ZNF385D: variants seen among roughly 807,000 people sequenced by gnomAD.
ZNF385D encodes the protein zinc finger protein 385D, also known as zinc finger protein 659.
Under a neutral mutation model 35.8 loss-of-function variants are expected in ZNF385D, and 15 were observed. The observed-to-expected ratio is 0.42, with a 90% CI of 0.28 to 0.64. The LOEUF (loss-of-function observed/expected upper bound fraction) is 0.64. Ranked by LOEUF, ZNF385D falls within the 30% of genes least tolerant of loss-of-function variation. The pLI is 0.23. For synonymous variants in ZNF385D, 212 were observed against 186.8 expected (o/e 1.13, Z -1.10); for missense variants, 474 against 494.6 (o/e 0.96, Z 0.39).
At chr3:21,421,748 T>C (rs979257010) in intron 7 of ZNF385D, among the ~76,000 whole-genome samples, 2 of 152,200 alleles carry the variant, frequency 1.3e-5, no homozygotes, top group African/African-American at 2.4e-5. Context: ...GTATTCATCA[T>C]GAGAAAATAT....
intron 3 of ZNF385D, among the ~76,000 whole-genome samples, chr3:21,933,348 T>C (rs1327435569): frequency 6.6e-6 from 1 of 152,256 alleles, no homozygotes. Context: ...TAGATTTTGC[T>C]ATTTGATCTA....
intron 1 of ZNF385D, among the ~76,000 whole-genome samples, chr3:21,668,430 A>G (rs1205993679): frequency 6.6e-6 from 1 of 152,088 alleles, no homozygotes; most frequent in Non-Finnish European, 1.5e-5. Context: ...TCCCAATCCT[A>G]TATCCCTCAC....
intron 3 of ZNF385D, among the ~76,000 whole-genome samples, chr3:22,058,741 C>A (rs1473682555): frequency 2.6e-5 from 4 of 152,124 alleles, no homozygotes; most frequent in African/African-American, 9.7e-5. Flanking sequence ...TATACCATTT[C>A]AAATTTATAT....
At chr3:21,654,272 A>T (rs973261073) in intron 2 of ZNF385D, among the ~76,000 whole-genome samples, 1 of 152,086 alleles carries the variant, frequency 6.6e-6, no homozygotes, top group Non-Finnish European at 1.5e-5. Context: ...CACTAATTTT[A>T]TCATTTTAAT....
chr3:22,231,898 G>C (rs1434621039), intron 2 of ZNF385D, among the ~76,000 whole-genome samples: 1 of 152,020 alleles, frequency 6.6e-6, no homozygotes, highest in African/African-American at 2.4e-5. Context: ...AGATCTGGTT[G>C]TTTAAGAGTA....
rs778860509 is a variant in ZNF385D at position 22,003,409 on chromosome 3, A to G, written c.325+165408T>C. Among the ~76,000 whole-genome samples the G allele has an allele frequency of 5.5e-4, 84 of 152,310 alleles. 1 individual carries two copies. The highest frequency in any genetic ancestry group is 3.4e-3 in the Middle Eastern group (1 of 294). On this transcript the variant is annotated intron_variant, in intron 3 of 5. Transcript: ENST00000494108. ...CTACAAGGAAAGCAGCAAAACACTCATGAAAGAAATTAAAGAGGACACTAA... is the reference window on the plus strand; with the variant it reads ...CTACAAGGAAAGCAGCAAAACACTCGTGAAAGAAATTAAAGAGGACACTAA...
chr3:21,950,956 G>A (rs1335571063), intron 3 of ZNF385D, among the ~76,000 whole-genome samples: 1 of 151,682 alleles, frequency 6.6e-6, no homozygotes, highest in African/African-American at 2.4e-5. Flanking sequence ...TAGCCTTGTA[G>A]TATAGTTGGA....
intron 3 of ZNF385D, among the ~76,000 whole-genome samples, chr3:21,956,254 A>G (rs1035236344): frequency 1.3e-5 from 2 of 151,934 alleles, no homozygotes; most frequent in Non-Finnish European, 2.9e-5. Context: ...AAAAAGAAAA[A>G]GAACCTGAGT....
At position 22,175,764 on chromosome 3, in the gene ZNF385D, CATATATAATGT is replaced by C. The variant is rs1440562405; in HGVS notation, c.107-6740_107-6730del. 3.3e-5 allele frequency among the ~76,000 whole-genome samples: 5 copies of C among 151,074 alleles called. No individual in the cohort carries two copies. In the South Asian group the frequency reaches 1.0e-3, roughly 31 times the overall value. On this transcript the variant is annotated intron_variant, in intron 2 of 5. Transcript: ENST00000494108. ...TATATGTGTATAAATTATACATATG[CATATATAATGT>C]ATATAGATTTTATGCATCATATTTG... is the stretch of plus-strand genomic sequence containing the variant.
At chr3:21,638,571 C>T (rs1262041318) in intron 2 of ZNF385D, among the ~76,000 whole-genome samples, 1 of 152,094 alleles carries the variant, frequency 6.6e-6, no homozygotes, top group Non-Finnish European at 1.5e-5. Context: ...CCTGATATGA[C>T]ATCTGTCATA....
At chr3:22,184,486 G>A (rs914772943) in intron 2 of ZNF385D, among the ~76,000 whole-genome samples, 1 of 152,134 alleles carries the variant, frequency 6.6e-6, no homozygotes. Flanking sequence ...GATGCTCTCA[G>A]AATTCAACTA....
intron 3 of ZNF385D, among the ~76,000 whole-genome samples, chr3:22,005,893 G>T (rs1679253): frequency 2.7e-4 from 41 of 152,074 alleles, no homozygotes; most frequent in Non-Finnish European, 1.6e-4. Flanking sequence ...AGGTACTAAA[G>T]GTCATTATTT....
chr3:22,348,293 A>G (rs1196559149), intron 2 of ZNF385D, among the ~76,000 whole-genome samples: 2 of 152,022 alleles, frequency 1.3e-5, no homozygotes, highest in African/African-American at 4.8e-5. Context: ...CTTTAAAGTG[A>G]TTACTAAAAA....
chr3:21,723,349 T>C (rs1313255005), intron 1 of ZNF385D, among the ~76,000 whole-genome samples: 1 of 151,906 alleles, frequency 6.6e-6, no homozygotes, highest in African/African-American at 2.4e-5. Flanking sequence ...AATAACAAAC[T>C]CCTCAGAGCT....
At chr3:21,709,566 A>G (rs898388976) in intron 1 of ZNF385D, among the ~76,000 whole-genome samples, 3 of 152,158 alleles carry the variant, frequency 2.0e-5, no homozygotes, top group African/African-American at 4.8e-5. Flanking sequence ...CAATTTCCCA[A>G]GTCTTTTCAA....
rs764786258 is a variant in ZNF385D at position 21,424,085 on chromosome 3, T to C, written c.853-21A>G. Reference sequence around the variant, plus strand: ...ATGTGCTATTAAAAGTAATTTAAAATGACAGCTTTAAAAAAATCATCTGCA... The same window carrying C: ...ATGTGCTATTAAAAGTAATTTAAAACGACAGCTTTAAAAAAATCATCTGCA... On this transcript the variant is annotated intron_variant, in intron 6 of 7. Coordinates refer to ENST00000281523, the MANE Select transcript of ZNF385D (RefSeq NM_024697.3). The C allele has an allele frequency of 1.2e-5, 18 of 1,542,870 alleles. No individual in the cohort carries two copies. In the East Asian group the frequency reaches 4.2e-4, roughly 36 times the overall value.
At chr3:22,274,858 A>C (rs958101074) in intron 2 of ZNF385D, among the ~76,000 whole-genome samples, 6 of 151,668 alleles carry the variant, frequency 4.0e-5, no homozygotes, top group Non-Finnish European at 7.4e-5. Flanking sequence ...TTTTTACCTG[A>C]ACTGAAGAAT....
chr3:21,459,045 G>A (rs2125306450), intron 4 of ZNF385D, among the ~76,000 whole-genome samples: 1 of 152,200 alleles, frequency 6.6e-6, no homozygotes, highest in African/African-American at 2.4e-5. Flanking sequence ...CTATGAGGGA[G>A]CACAACTATC....
intron 2 of ZNF385D, among the ~76,000 whole-genome samples, chr3:21,636,378 T>TATATATATATATATATA (rs2065437484): frequency 2.1e-5 from 1 of 47,984 alleles, no homozygotes; most frequent in African/African-American, 9.0e-5. Flanking sequence ...ATATATATGA[T>TATATATATATATATATA]TATATATATA....
Sources: allele counts gnomAD v4.1 joint callset (sites outside exome capture counted in the v4.1 genomes callset), GRCh38; gene constraint gnomAD v4.1.1; transcripts MANE v1.5; gene names NCBI Gene and HGNC (gene_info 2026-07-23, HGNC 2026-07-21).